NBL1: variants seen among roughly 807,000 people sequenced by gnomAD.
NBL1 encodes the protein neuroblastoma suppressor of tumorigenicity 1.
In NBL1, 9 loss-of-function variants were observed where a neutral mutation model predicts 16.0. The ratio of observed to expected loss-of-function variants is 0.56; its 90% confidence interval spans 0.34 to 0.98. The LOEUF is 0.98. NBL1 is among the 50% of genes least tolerant of loss of function. NBL1 has a pLI of 0.02. For missense variants in NBL1, 196 were observed against 243.1 expected, an observed-to-expected ratio of 0.81 and a Z score of 1.29; for synonymous variants, 86 against 100.7, an observed-to-expected ratio of 0.85 and a Z score of 0.87.
chr1:19,643,526 C>G, upstream of NBL1: 2 of 1,475,260 alleles, frequency 1.4e-6, no homozygotes, highest in East Asian at 5.0e-5. This position sits in a 1 kb window ranked among gnomAD's most constrained non-coding sequence, Gnocchi z 4.7. Context: ...AGAGAAGGTA[C>G]GGCCGCAATC....
Position 19,658,040 on chromosome 1 carries a change from G to A in NBL1, c.*911G>A, listed in dbSNP as rs967381967. 1 of 152,680 alleles carries A rather than the reference G, an allele frequency of 6.5e-6. No individual in the cohort carries two copies. Among genetic ancestry groups the A allele is most frequent in the Non-Finnish European group, 1.5e-5 (1 of 68,068 alleles). The allele number at this position is 152,680 out of a possible 1,614,324, so 9.5% of individuals were successfully genotyped here. Reference sequence around the variant, plus strand: ...TATCGGATGGGTGTGGGAGTGAGGGGTTACCTCCCTCGCCCCAAGGTTCCA... The same window carrying A: ...TATCGGATGGGTGTGGGAGTGAGGGATTACCTCCCTCGCCCCAAGGTTCCA... On this transcript the variant is annotated 3_prime_UTR_variant, in exon 4 of 4. Transcript: ENST00000375136.
In NBL1 at chr1:19,655,332, T is replaced by A; in HGVS notation, c.179T>A (p.Leu60Gln). ...GACCTCTCCTCCCACAGGGCGTGCC[T>A]AGGACAGTGCTTCAGCTACAGCGTC... ...EAKSIQNRAC[L>Q]GQCFSYSVPN... The change falls in exon 3 of 4, where the codon CTA becomes CAA. Residue 60 changes from leucine to glutamine, a missense_variant. Coordinates refer to ENST00000375136, the MANE Select transcript of NBL1 (RefSeq NM_005380.8). The A allele has an allele frequency of 6.2e-7, 1 of 1,614,002 alleles. No individual in the cohort carries two copies.
At position 19,655,112 on chromosome 1, in the gene NBL1, T is replaced by C; in HGVS notation, c.82T>C (p.Phe28Leu). The change falls in exon 2 of 4, where the codon TTC becomes CTC. Residue 28 changes from phenylalanine (F) to leucine (L), a missense_variant. By Grantham distance (22) the Phe-to-Leu change is conservative. Transcript: ENST00000375136. ...ACCACCCATCAACAAGCTGGCACTG[T>C]TCCCAGATAAGAGTGCCTGGTGCGA... ...APPPINKLAL[F>L]PDKSAWCEAK... 2 of 1,612,998 alleles carry C rather than the reference T, an allele frequency of 1.2e-6. No homozygotes were observed. Among genetic ancestry groups the C allele is most frequent in the Non-Finnish European group, 8.5e-7 (1 of 1,179,782 alleles).
intron 1 of NBL1, among the ~76,000 whole-genome samples, chr1:19,654,369 C>T (rs1417308516): frequency 6.6e-6 from 1 of 152,200 alleles, no homozygotes; most frequent in East Asian, 1.9e-4. Flanking sequence ...TGCCACTGCA[C>T]TCCAGCGTGG....
chr1:19,644,186 C>G (rs1436349016), upstream of NBL1: 7 of 979,964 alleles, frequency 7.1e-6, no homozygotes, highest in East Asian at 8.0e-4. This position sits in a 1 kb window ranked among gnomAD's most constrained non-coding sequence, Gnocchi z 4.6. Context: ...GAGGGAGAGG[C>G]CGCGCGCGCC....
At position 19,657,461 on chromosome 1, in the gene NBL1, C is replaced by T; in HGVS notation, c.*332C>T. 1 of 171,598 alleles carries T rather than the reference C, an allele frequency of 5.8e-6. No homozygotes were observed. The highest frequency in any genetic ancestry group is 1.5e-4 in the East Asian group (1 of 6,470). 10.6% of individuals were successfully genotyped at this position (171,598 alleles called of 1,614,324 possible). A position where few individuals can be genotyped will look rare whatever the true frequency, so the allele number is the denominator to read the frequency against. ...TGAGCCATTGAGTGCTGGGGGAGGCCATCCAAGATGGCATGAATCGGGCTA... is the reference window on the plus strand; with the variant it reads ...TGAGCCATTGAGTGCTGGGGGAGGCTATCCAAGATGGCATGAATCGGGCTA... On this transcript the variant is annotated 3_prime_UTR_variant, in exon 4 of 4. Coordinates refer to ENST00000375136, the MANE Select transcript of NBL1 (RefSeq NM_005380.8).
At chr1:19,655,225 G>A (rs779488898) in intron 2 of NBL1, 25 bp downstream of exon 2, 2 of 1,604,388 alleles carry the variant, frequency 1.2e-6, no homozygotes, top group Admixed American at 1.7e-5. Context: ...GTGGGTGGGG[G>A]GATGCGGACA....
intron 1 of NBL1, among the ~76,000 whole-genome samples, chr1:19,648,775 C>CG (rs2095001687): frequency 8.8e-5 from 3 of 33,972 alleles, no homozygotes; most frequent in African/African-American, 2.4e-4. Flanking sequence ...TTGGGAGTGG[C>CG]GGGTGGGTGG....
At position 19,644,386 on chromosome 1, in the gene NBL1, C is replaced by T; in HGVS notation, c.-80C>T. ...CCCTGCCGGCCGCCTCGCCGAGCCT[C>T]CTGGGGCGCCCGGGCCCGCGACCCC... On this transcript the variant is annotated 5_prime_UTR_variant, in exon 1 of 4. Coordinates refer to ENST00000375136, the MANE Select transcript of NBL1 (RefSeq NM_005380.8). The surrounding 1 kb of genome is among the most constrained non-coding windows in gnomAD (Gnocchi z 4.6). 3 of 978,780 alleles carry T rather than the reference C, an allele frequency of 3.1e-6. No individual in the cohort carries two copies. The Middle Eastern group carries it at 1.6e-3, about 515-fold the overall frequency. The allele number at this position is 978,780 out of a possible 1,614,324, so 60.6% of individuals were successfully genotyped here. A position where few individuals can be genotyped will look rare whatever the true frequency, so the allele number is the denominator to read the frequency against.
intron 1 of NBL1, chr1:19,647,790 A>G: frequency 2.0e-6 from 1 of 508,790 alleles, no homozygotes; most frequent in Non-Finnish European, 2.5e-6. Flanking sequence ...AGGATTTGTC[A>G]GCCCTGCCCT....
chr1:19,655,508 T>C (rs921530919), intron 3 of NBL1, 73 bp downstream of exon 3: 26 of 1,530,102 alleles, frequency 1.7e-5, no homozygotes, highest in Non-Finnish European at 2.0e-5. Flanking sequence ...CTCCCCAGGC[T>C]CCTGTATTCC....
At chr1:19,643,652 T>C (rs970956963), upstream of NBL1, 15 of 1,274,898 alleles carry the variant, frequency 1.2e-5, no homozygotes, top group African/African-American at 1.5e-5. The surrounding 1 kb of genome is among the most constrained non-coding windows in gnomAD (Gnocchi z 4.7). Flanking sequence ...GCTTTTTAGT[T>C]CCTAATAAGT....
At chr1:19,651,735 C>T (rs1049253683) in intron 1 of NBL1, among the ~76,000 whole-genome samples, 1 of 150,868 alleles carries the variant, frequency 6.6e-6, no homozygotes, top group African/African-American at 2.4e-5. Context: ...CTTGCTCTGT[C>T]ACCCAGTCTG....
intron 1 of NBL1, chr1:19,645,376 A>G (rs898897324): frequency 2.0e-6 from 2 of 986,272 alleles, no homozygotes; most frequent in African/African-American, 3.5e-5. Flanking sequence ...CTGATCGTTT[A>G]CAAGCGGCGG....
intron 3 of NBL1, 36 bp downstream of exon 3, chr1:19,655,471 C>T (rs780531015): frequency 6.2e-7 from 1 of 1,606,964 alleles, no homozygotes; most frequent in Admixed American, 1.7e-5. Context: ...CAGTCTCGGC[C>T]CGGAGCCTGC....
chr1:19,655,037 C>G lies in NBL1; in HGVS notation c.7C>G (p.Leu3Val). 6.2e-7 allele frequency: 1 copy of G among 1,608,330 alleles called. No individual in the cohort carries two copies. Among genetic ancestry groups the G allele is most frequent in the Non-Finnish European group, 8.5e-7 (1 of 1,178,258 alleles). MM[L>V]RVLVGAVLPA... ...GGCTCTGGAGGCCACGGGCATGATG[C>G]TTCGGGTCCTGGTGGGGGCTGTCCT... Residue 3 changes from leucine to valine, a missense_variant, in exon 2 of 4, where the codon CTT (leucine) becomes GTT (valine). Physicochemically the swap from Leu to Val is conservative, Grantham distance 32. Transcript: ENST00000375136.
chr1:19,651,893 TAAA>T (rs1011805108), intron 1 of NBL1, among the ~76,000 whole-genome samples: 1 of 152,052 alleles, frequency 6.6e-6, no homozygotes, highest in Non-Finnish European at 1.5e-5. Flanking sequence ...AGTGTGATAA[TAAA>T]AAAATATTTT....
chr1:19,647,857 G>A (rs2094991318), intron 1 of NBL1, among the ~76,000 whole-genome samples: 1 of 137,956 alleles, frequency 7.2e-6, no homozygotes, highest in Non-Finnish European at 1.5e-5. Context: ...CCTGGTGTGT[G>A]TGTGTGTGCG....
intron 1 of NBL1, among the ~76,000 whole-genome samples, chr1:19,653,075 C>G (rs1425460824): frequency 6.6e-6 from 1 of 151,898 alleles, no homozygotes; most frequent in Non-Finnish European, 1.5e-5. Context: ...ATCACGAGGT[C>G]AGGAGATCGA....
Sources: allele counts gnomAD v4.1 joint callset (sites outside exome capture counted in the v4.1 genomes callset), GRCh38; gene constraint gnomAD v4.1.1; non-coding constraint Gnocchi (gnomAD v3.1); transcripts MANE v1.5; gene names NCBI Gene and HGNC (gene_info 2026-07-23, HGNC 2026-07-21).